TBL1XR1: variants seen among roughly 807,000 people sequenced by gnomAD.
The protein encoded by TBL1XR1 is TBL1X/Y related 1.
In TBL1XR1, 5 loss-of-function variants were observed where a neutral mutation model predicts 66.9. The observed-to-expected ratio is 0.07, with a 90% confidence interval of 0.04 to 0.16. The LOEUF (loss-of-function observed/expected upper bound fraction) is 0.16. Among genes scored for constraint, TBL1XR1 ranks in the 10% least tolerant of loss-of-function variants. TBL1XR1 has a pLI of 1.00. For synonymous variants in TBL1XR1, 210 were observed against 206.0 expected, an observed-to-expected ratio of 1.02 and a Z score of -0.17; for missense variants, 238 against 623.2, an observed-to-expected ratio of 0.38 and a Z score of 6.58.
rs148659524 is a variant in TBL1XR1, at chr3:177,024,713, G to GAAAAAAAAA, written c.*776_*784dup. 8.2e-5 allele frequency: 7 copies of GAAAAAAAAA among 85,374 alleles called. No individual in the cohort carries two copies. The highest frequency in any genetic ancestry group is 1.3e-4 in the Admixed American group (1 of 7,890). The allele number at this position is 85,374 out of a possible 1,614,324, so 5.3% of individuals were successfully genotyped here. On this transcript the variant is annotated 3_prime_UTR_variant, in exon 16 of 16. Transcript: ENST00000457928. ...AGCCACATCACCAAAAAACAAAAAA[G>GAAAAAAAAA]AAAAAAAAAAAAAAAAAGCAAAACA...
chr3:177,154,752 T>C (rs1290211567), intron 1 of TBL1XR1, among the ~76,000 whole-genome samples: 3 of 152,160 alleles, frequency 2.0e-5, no homozygotes, highest in Admixed American at 6.5e-5. Flanking sequence ...CCCTTCTCTC[T>C]GTAAATAATA....
At chr3:177,131,346 A>G (rs1728271783) in intron 1 of TBL1XR1, 1 of 985,442 alleles carries the variant, frequency 1.0e-6, no homozygotes, top group African/African-American at 1.7e-5. Flanking sequence ...CAAGATGGGA[A>G]AGAGAATCAC....
Position 177,098,479 on chromosome 3 carries a change from T to C in TBL1XR1, c.-59A>G, listed in dbSNP as rs1577158941. 7.1e-6 allele frequency: 7 copies of C among 985,716 alleles called. No individual in the cohort carries two copies. Among genetic ancestry groups the C allele is most frequent in the Non-Finnish European group, 8.4e-6 (7 of 829,912 alleles). 61.1% of individuals were successfully genotyped at this position (985,716 alleles called of 1,614,324 possible). Reference sequence around the variant, plus strand: ...GGAGAGTCTTACCATTGGCAGTGCATTGATGTGGGGATGTGCAACTGAATA... The same window carrying C: ...GGAGAGTCTTACCATTGGCAGTGCACTGATGTGGGGATGTGCAACTGAATA... On this transcript the variant is annotated 5_prime_UTR_variant, in exon 2 of 16. The change abolishes an upstream ATG in the 5' untranslated region. Coordinates refer to ENST00000457928, the MANE Select transcript of TBL1XR1 (RefSeq NM_024665.7).
intron 10 of TBL1XR1, among the ~76,000 whole-genome samples, chr3:177,045,397 A>G (rs1205359784): frequency 6.6e-6 from 1 of 152,114 alleles, no homozygotes; most frequent in Non-Finnish European, 1.5e-5. Context: ...AAGCGGCGCA[A>G]AGGTTCTAGG....
chr3:177,055,716 C>G (rs192508407), intron 3 of TBL1XR1, among the ~76,000 whole-genome samples: 83 of 152,098 alleles, frequency 5.5e-4, no homozygotes, highest in African/African-American at 1.9e-3. Flanking sequence ...CAGTAAAATC[C>G]TTAAGCAGTG....
At chr3:177,052,759 T>G (rs1411741122) in intron 4 of TBL1XR1, among the ~76,000 whole-genome samples, 1 of 152,114 alleles carries the variant, frequency 6.6e-6, no homozygotes, top group African/African-American at 2.4e-5. Flanking sequence ...AAGGGGAACA[T>G]GTTAATCTCT....
intron 1 of TBL1XR1, among the ~76,000 whole-genome samples, chr3:177,132,726 C>CT (rs1421823548): frequency 1.3e-5 from 2 of 152,116 alleles, no homozygotes; most frequent in East Asian, 3.9e-4. Context: ...GGGATAGGCT[C>CT]TAAGGAAAGA....
At chr3:177,178,151 C>G (rs558479060) in intron 1 of TBL1XR1, among the ~76,000 whole-genome samples, 81 of 152,208 alleles carry the variant, frequency 5.3e-4, no homozygotes, top group African/African-American at 1.6e-3. Context: ...GCACGGTGAA[C>G]AAGGTGAAAC....
At chr3:177,184,019 G>A (rs1289823030) in intron 1 of TBL1XR1, among the ~76,000 whole-genome samples, 1 of 152,032 alleles carries the variant, frequency 6.6e-6, no homozygotes, top group East Asian at 2.0e-4. Context: ...GCCCTCAAAG[G>A]AAGGCTAGTG....
rs897552026 is a variant in TBL1XR1 at position 177,023,422 on chromosome 3, A to G, written c.*2076T>C. The stretch of plus-strand genomic sequence containing the variant: ...GGAATTCAAGTGCCAGATACTCAGC[A>G]TATTAGGTTTCCTACGTAAGTCACA... On this transcript the variant is annotated 3_prime_UTR_variant, in exon 16 of 16. Transcript: ENST00000457928. 6.6e-6 allele frequency: 1 copy of G among 152,562 alleles called. No homozygotes were observed. The highest frequency in any genetic ancestry group is 1.5e-5 in the Non-Finnish European group (1 of 67,982). 9.5% of individuals were successfully genotyped at this position (152,562 alleles called of 1,614,324 possible). A position where few individuals can be genotyped will look rare whatever the true frequency, so the allele number is the denominator to read the frequency against.
chr3:177,109,822 T>C (rs952946473), intron 1 of TBL1XR1, among the ~76,000 whole-genome samples: 1 of 152,096 alleles, frequency 6.6e-6, no homozygotes, highest in Non-Finnish European at 1.5e-5. Flanking sequence ...TAAAGTAGGA[T>C]GGTCAGAGCC....
intron 3 of TBL1XR1, among the ~76,000 whole-genome samples, chr3:177,057,995 T>A (rs1301367703): frequency 3.9e-5 from 6 of 152,146 alleles, no homozygotes; most frequent in African/African-American, 1.4e-4. Flanking sequence ...TCTGTAAGGA[T>A]GTTAGGGACT....
intron 2 of TBL1XR1, among the ~76,000 whole-genome samples, chr3:177,084,815 C>T (rs949467142): frequency 3.9e-5 from 6 of 152,244 alleles, no homozygotes; most frequent in African/African-American, 1.4e-4. Context: ...AGAATCCAAT[C>T]CGGTCTGACT....
intron 12 of TBL1XR1, among the ~76,000 whole-genome samples, chr3:177,035,792 G>C (rs1714697920): frequency 6.6e-6 from 1 of 152,132 alleles, no homozygotes; most frequent in South Asian, 2.1e-4. Flanking sequence ...CAGATATCCT[G>C]TTTCGCCAGT....
rs377225567 is a variant in TBL1XR1, at chr3:177,025,506, G to A, written c.1537C>T (p.Arg513Trp). 1.9e-6 allele frequency: 3 copies of A among 1,612,670 alleles called. No individual in the cohort carries two copies. Among genetic ancestry groups the A allele is most frequent in the Admixed American group, 1.7e-5 (1 of 59,916 alleles). ...GCTTCCAACTAGTAGCGCTATTTCC[G>A]AAGGTCTAATACACAAACCTGTAAG... ...SDGSVCVLDLRK is the reference protein window; with the variant it reads ...SDGSVCVLDLWK The change falls in exon 16 of 16, where the codon CGG becomes TGG. Residue 513 changes from arginine (R) to tryptophan (W), a missense_variant. Arg to Trp is a moderately radical substitution (Grantham distance 101, BLOSUM62 -3). Around this residue, in one of 8 missense-constraint regions of TBL1XR1, gnomAD observed 8 missense variants for 40.2 expected, o/e 0.20. Transcript: ENST00000457928.
chr3:177,148,017 C>T (rs1001716048), intron 1 of TBL1XR1, among the ~76,000 whole-genome samples: 4 of 152,198 alleles, frequency 2.6e-5, no homozygotes, highest in African/African-American at 9.6e-5. Context: ...AGAAAGTTAT[C>T]TCTGTGAAAC....
At chr3:177,083,920 T>C (rs1055151937) in intron 2 of TBL1XR1, among the ~76,000 whole-genome samples, 6 of 151,554 alleles carry the variant, frequency 4.0e-5, no homozygotes, top group Admixed American at 6.6e-5. Flanking sequence ...AAACCCCATC[T>C]CTACTAAAAA....
intron 1 of TBL1XR1, among the ~76,000 whole-genome samples, chr3:177,160,390 C>A (rs1287975326): frequency 6.6e-6 from 1 of 151,552 alleles, no homozygotes; most frequent in Non-Finnish European, 1.5e-5. Flanking sequence ...AGGAGAATGG[C>A]GCGAACCCGG....
chr3:177,177,135 C>T (rs928497054), intron 1 of TBL1XR1, among the ~76,000 whole-genome samples: 7 of 152,254 alleles, frequency 4.6e-5, no homozygotes, highest in Non-Finnish European at 8.8e-5. Context: ...CCAATGAATA[C>T]CCTTTTTAAC....
Sources: allele counts gnomAD v4.1 joint callset (sites outside exome capture counted in the v4.1 genomes callset), GRCh38; gene constraint gnomAD v4.1.1; regional missense constraint gnomAD v4.1.1; transcripts MANE v1.5; gene names NCBI Gene and HGNC (gene_info 2026-07-23, HGNC 2026-07-21).